Variants in XKR6 observed in about 807,000 individuals in gnomAD.
XKR6 encodes XK-related protein 6.
Under a neutral mutation model 56.7 loss-of-function variants are expected in XKR6, and 22 were observed. That is an observed-to-expected ratio of 0.39 (90% confidence interval 0.28 to 0.55). The LOEUF is 0.55. XKR6 is among the 20% of genes least tolerant of loss of function. XKR6 has a pLI of 0.66. For synonymous variants in XKR6, 524 were observed against 387.8 expected (o/e 1.35, Z -4.13); for missense variants, 852 against 889.0 (o/e 0.96, Z 0.53).
At chr8:11,026,185 C>G (rs1798856935) in intron 1 of XKR6, among the ~76,000 whole-genome samples, 1 of 152,014 alleles carries the variant, frequency 6.6e-6, no homozygotes, top group Non-Finnish European at 1.5e-5. Context: ...TAGCCTACTA[C>G]ACACCTAGAT....
chr8:10,919,072 G>A (rs761493901), intron 2 of XKR6, among the ~76,000 whole-genome samples: 1 of 152,114 alleles, frequency 6.6e-6, no homozygotes, highest in African/African-American at 2.4e-5. Flanking sequence ...CAAGCTCCTG[G>A]GGTCCCCTAT....
chr8:10,931,640 AT>A (rs1167345145), intron 1 of XKR6, among the ~76,000 whole-genome samples: 4 of 152,186 alleles, frequency 2.6e-5, no homozygotes, highest in African/African-American at 9.6e-5. Context: ...GATAAAGACA[AT>A]TCAATGTTGA....
chr8:11,093,874 C>G (rs1195937974), intron 1 of XKR6, among the ~76,000 whole-genome samples: 1 of 149,516 alleles, frequency 6.7e-6, no homozygotes, highest in African/African-American at 2.5e-5. Flanking sequence ...AGTTCTGCCT[C>G]CCGGGTTCAC....
chr8:10,913,349 G>C (rs1056140852), intron 2 of XKR6, among the ~76,000 whole-genome samples: 1 of 152,142 alleles, frequency 6.6e-6, no homozygotes, highest in Non-Finnish European at 1.5e-5. Flanking sequence ...TAGGCAGGTA[G>C]GGTTATTTCA....
At chr8:11,000,565 G>C (rs1435461117) in intron 1 of XKR6, among the ~76,000 whole-genome samples, 1 of 152,104 alleles carries the variant, frequency 6.6e-6, no homozygotes, top group Non-Finnish European at 1.5e-5. Flanking sequence ...CACGCCTGTA[G>C]TCCCAGCTAC....
intron 1 of XKR6, among the ~76,000 whole-genome samples, chr8:11,004,063 A>G (rs1252910650): frequency 6.6e-6 from 1 of 152,216 alleles, no homozygotes; most frequent in Non-Finnish European, 1.5e-5. Context: ...GCAGGACTAG[A>G]ACATGAGGAC....
At chr8:10,927,381 G>C (rs368971272) in intron 1 of XKR6, among the ~76,000 whole-genome samples, 1 of 152,072 alleles carries the variant, frequency 6.6e-6, no homozygotes, top group Admixed American at 6.5e-5. Context: ...CTCTCAACAG[G>C]TGGCACCTGC....
intron 1 of XKR6, among the ~76,000 whole-genome samples, chr8:11,031,527 A>C (rs2129152106): frequency 1.3e-5 from 2 of 152,322 alleles, no homozygotes; most frequent in Middle Eastern, 6.8e-3. Context: ...AGGCCATGAG[A>C]ATAGAACAGT....
At chr8:11,154,558 C>G (rs1040189508) in intron 1 of XKR6, among the ~76,000 whole-genome samples, 2 of 152,158 alleles carry the variant, frequency 1.3e-5, no homozygotes, top group Admixed American at 6.5e-5. Context: ...AGCAAATTGT[C>G]AGACCTGAAG....
chr8:11,127,452 G>C (rs1399577204), intron 1 of XKR6, among the ~76,000 whole-genome samples: 1 of 152,164 alleles, frequency 6.6e-6, no homozygotes, highest in Admixed American at 6.5e-5. Flanking sequence ...ATAAATTATA[G>C]TTCTGTGGAC....
At chr8:11,055,425 C>T (rs996081617) in intron 1 of XKR6, among the ~76,000 whole-genome samples, 1 of 152,162 alleles carries the variant, frequency 6.6e-6, no homozygotes, top group Non-Finnish European at 1.5e-5. Context: ...AGCCCAAGGT[C>T]GGGGCCTTGA....
chr8:11,163,595 A>G (rs75011889), intron 1 of XKR6, among the ~76,000 whole-genome samples: 9,874 of 152,326 alleles, frequency 0.065, 373 homozygotes, highest in South Asian at 0.1. Flanking sequence ...CTAATAGTGA[A>G]TAACAAAATA....
At chr8:11,034,027 T>C (rs1799076264) in intron 1 of XKR6, among the ~76,000 whole-genome samples, 1 of 152,200 alleles carries the variant, frequency 6.6e-6, no homozygotes, top group African/African-American at 2.4e-5. Flanking sequence ...ATAGCCTGTT[T>C]AGTCAACCTT....
At chr8:11,195,299 C>T in intron 1 of XKR6, 2 of 622,450 alleles carry the variant, frequency 3.2e-6, no homozygotes, top group Non-Finnish European at 2.9e-6. Context: ...ATTCTTTTAG[C>T]ATTTCTGTTT....
At chr8:11,180,325 G>C (rs373653867) in intron 1 of XKR6, among the ~76,000 whole-genome samples, 1 of 152,156 alleles carries the variant, frequency 6.6e-6, no homozygotes, top group East Asian at 1.9e-4. Flanking sequence ...GACTGTCCAG[G>C]TCAGGTTTCT....
At chr8:11,011,201 A>G (rs781312955) in intron 1 of XKR6, among the ~76,000 whole-genome samples, 6 of 152,190 alleles carry the variant, frequency 3.9e-5, no homozygotes, top group Non-Finnish European at 8.8e-5. Context: ...GTCCCCACCT[A>G]CAGGAATGGA....
At chr8:10,923,434 C>A (rs909417242) in intron 2 of XKR6, among the ~76,000 whole-genome samples, 15 of 152,192 alleles carry the variant, frequency 9.9e-5, no homozygotes, top group African/African-American at 3.6e-4. Context: ...ATAGGACAGG[C>A]GAGCCTGTCA....
At chr8:10,913,360 A>G (rs1800465118) in intron 2 of XKR6, among the ~76,000 whole-genome samples, 1 of 151,970 alleles carries the variant, frequency 6.6e-6, no homozygotes, top group Non-Finnish European at 1.5e-5. Context: ...GGTTATTTCA[A>G]TTTATAAGGT....
At chr8:11,053,299 G>C (rs1046651736) in intron 1 of XKR6, among the ~76,000 whole-genome samples, 2 of 152,196 alleles carry the variant, frequency 1.3e-5, no homozygotes, top group Non-Finnish European at 2.9e-5. Flanking sequence ...TAAAGTCTCT[G>C]CATTAAGCAA....
Sources: gnomAD v4.1 joint callset for allele counts (sites outside exome capture counted in the v4.1 genomes callset) on GRCh38, gnomAD v4.1.1 for gene constraint, MANE v1.5 for transcripts, NCBI Gene and HGNC (gene_info 2026-07-23, HGNC 2026-07-21) for gene names.